CADM2: variants seen among roughly 807,000 people sequenced by gnomAD.
The protein encoded by CADM2 is immunoglobulin superfamily member 4D.
Under a neutral mutation model 49.8 loss-of-function variants are expected in CADM2, and 12 were observed. The ratio of observed to expected loss-of-function variants is 0.24; its 90% confidence interval spans 0.15 to 0.39. The LOEUF (loss-of-function observed/expected upper bound fraction) is 0.39, where lower values mean the gene tolerates loss of function less well. Ranked by LOEUF, CADM2 falls within the 10% of genes least tolerant of loss-of-function variation. CADM2 has a pLI of 1.00. For synonymous variants in CADM2, 214 were observed against 175.4 expected, an observed-to-expected ratio of 1.22 and a Z score of -1.74; for missense variants, 378 against 492.3, an observed-to-expected ratio of 0.77 and a Z score of 2.20.
At chr3:85,562,254 C>A (rs996321639) in intron 1 of CADM2, among the ~76,000 whole-genome samples, 1 of 151,958 alleles carries the variant, frequency 6.6e-6, no homozygotes, top group African/African-American at 2.4e-5. Context: ...CTGAGACAGG[C>A]GGATCACCTG....
At chr3:85,944,662 G>T (rs1722407912) in intron 7 of CADM2, among the ~76,000 whole-genome samples, 1 of 152,000 alleles carries the variant, frequency 6.6e-6, no homozygotes, top group African/African-American at 2.4e-5. Context: ...CAAACAACCT[G>T]CTCCTGAATG....
At chr3:85,277,612 AT>A (rs2043389618) in intron 1 of CADM2, among the ~76,000 whole-genome samples, 1 of 151,524 alleles carries the variant, frequency 6.6e-6, no homozygotes, top group Non-Finnish European at 1.5e-5. Flanking sequence ...TCTGATGAGA[AT>A]TTTTTAACTT....
intron 1 of CADM2, among the ~76,000 whole-genome samples, chr3:85,275,043 G>A (rs2043325049): frequency 6.6e-6 from 1 of 151,474 alleles, no homozygotes; most frequent in Non-Finnish European, 1.5e-5. Flanking sequence ...ATAAGAGGAG[G>A]AAACAGAAGA....
chr3:85,785,870 A>T (rs187764988), intron 2 of CADM2, among the ~76,000 whole-genome samples: 1 of 152,212 alleles, frequency 6.6e-6, no homozygotes, highest in African/African-American at 2.4e-5. Context: ...AAACAATCTC[A>T]ACAATAGCCT....
intron 1 of CADM2, among the ~76,000 whole-genome samples, chr3:85,362,798 A>G (rs1001899547): frequency 9.9e-5 from 15 of 152,214 alleles, no homozygotes; most frequent in Non-Finnish European, 1.8e-4. Context: ...TTTTTAGAGT[A>G]TTAGACAGCT....
At chr3:85,207,528 C>T (rs2041677716) in intron 1 of CADM2, among the ~76,000 whole-genome samples, 1 of 152,104 alleles carries the variant, frequency 6.6e-6, no homozygotes, top group South Asian at 2.1e-4. Context: ...AAGGAAATCT[C>T]AAATTTTACT....
At chr3:85,744,972 GTAATACTATAGGGAAGA>G (rs2068555972) in intron 2 of CADM2, among the ~76,000 whole-genome samples, 2 of 152,176 alleles carry the variant, frequency 1.3e-5, no homozygotes, top group Admixed American at 1.3e-4. Context: ...AGATGTTATT[GTAATACTATAGGGAAGA>G]GTTAATGGTG....
intron 6 of CADM2, among the ~76,000 whole-genome samples, chr3:85,923,397 A>G (rs1405102986): frequency 6.6e-6 from 1 of 152,112 alleles, no homozygotes; most frequent in Non-Finnish European, 1.5e-5. Flanking sequence ...TCATTTTAAG[A>G]GGCTTGAGCT....
At chr3:84,972,337 G>A (rs2031510984) in intron 1 of CADM2, among the ~76,000 whole-genome samples, 1 of 152,122 alleles carries the variant, frequency 6.6e-6, no homozygotes, top group South Asian at 2.1e-4. Context: ...TCTTAAAATA[G>A]CATTTCCTAA....
intron 3 of CADM2, among the ~76,000 whole-genome samples, chr3:85,842,902 C>A (rs149252624): frequency 1.3e-5 from 2 of 151,920 alleles, no homozygotes; most frequent in Non-Finnish European, 2.9e-5. Context: ...GATTCCTATA[C>A]GTTAGAGAGC....
intron 2 of CADM2, among the ~76,000 whole-genome samples, chr3:85,796,901 C>A (rs2071656093): frequency 6.6e-6 from 1 of 152,004 alleles, no homozygotes; most frequent in Admixed American, 6.6e-5. Context: ...TCAAGACCAT[C>A]CTGGCCAACA....
At chr3:85,751,569 A>C (rs2068861534) in intron 2 of CADM2, among the ~76,000 whole-genome samples, 1 of 152,146 alleles carries the variant, frequency 6.6e-6, no homozygotes, top group African/African-American at 2.4e-5. Context: ...GTCATTTAAC[A>C]TGTGTTTCTC....
chr3:85,114,520 A>C (rs2107576924), intron 1 of CADM2, among the ~76,000 whole-genome samples: 1 of 152,342 alleles, frequency 6.6e-6, no homozygotes, highest in Admixed American at 6.5e-5. Context: ...ACATGCCCAG[A>C]CATGGCTCTA....
intron 1 of CADM2, among the ~76,000 whole-genome samples, chr3:85,717,151 T>C (rs748298992): frequency 6.6e-6 from 1 of 152,196 alleles, no homozygotes; most frequent in East Asian, 1.9e-4. Context: ...TTCCATTTGT[T>C]TGTTTCCCCT....
At chr3:85,722,349 T>C (rs1016952500) in intron 1 of CADM2, among the ~76,000 whole-genome samples, 14 of 152,326 alleles carry the variant, frequency 9.2e-5, no homozygotes, top group Admixed American at 3.9e-4. Context: ...ATGTCAGGAA[T>C]CTCTGTCTCT....
rs1236537601 is a variant in CADM2, at chr3:86,072,676, TACTAGTAGAC to T, written c.*5897_*5906del. 6.6e-6 allele frequency: 1 copy of T among 152,068 alleles called. No individual in the cohort carries two copies. The highest frequency in any genetic ancestry group is 1.9e-4 in the East Asian group (1 of 5,180). The allele number at this position is 152,068 out of a possible 1,614,324, so 9.4% of individuals were successfully genotyped here. A position where few individuals can be genotyped will look rare whatever the true frequency, so the allele number is the denominator to read the frequency against. ...TTCAGATGCTTTTTCGTGTACATGA[TACTAGTAGAC>T]ACTTTTCTCTTTATATTTACTGATA... is the stretch of plus-strand genomic sequence containing the variant. On this transcript the variant is annotated 3_prime_UTR_variant, in exon 10 of 10. Transcript: ENST00000383699.
chr3:85,501,185 C>T (rs1169862717), intron 1 of CADM2, among the ~76,000 whole-genome samples: 1 of 151,998 alleles, frequency 6.6e-6, no homozygotes, highest in Non-Finnish European at 1.5e-5. Flanking sequence ...TTGGTCAAAG[C>T]AAATAAAATA....
chr3:85,916,637 T>C (rs150458248), intron 6 of CADM2, among the ~76,000 whole-genome samples: 9,423 of 152,084 alleles, frequency 0.062, 780 homozygotes, highest in African/African-American at 0.19. Flanking sequence ...AACATACGTG[T>C]GCATGTGTCT....
intron 1 of CADM2, among the ~76,000 whole-genome samples, chr3:85,070,603 A>T (rs2036695991): frequency 1.3e-5 from 2 of 152,182 alleles, no homozygotes; most frequent in Non-Finnish European, 2.9e-5. Context: ...AACGAAAGAA[A>T]GTTAAATAGA....
Sources: allele counts gnomAD v4.1 joint callset (sites outside exome capture counted in the v4.1 genomes callset), GRCh38; gene constraint gnomAD v4.1.1; transcripts MANE v1.5; gene names NCBI Gene and HGNC (gene_info 2026-07-23, HGNC 2026-07-21).